Variants in NWD2 observed in about 807,000 individuals in gnomAD.
The protein encoded by NWD2 is NACHT and WD repeat domain containing 2, also known as NACHT and WD repeat domain-containing protein 2.
Under a neutral mutation model 132.7 loss-of-function variants are expected in NWD2, and 37 were observed. The observed-to-expected ratio is 0.28, with a 90% confidence interval of 0.21 to 0.37. NWD2 has a LOEUF of 0.37. NWD2 is among the 10% of genes least tolerant of loss of function. The pLI is 1.00. For missense variants in NWD2, 1,592 were observed against 2,122.4 expected (o/e 0.75, Z 4.91); for synonymous variants, 705 against 803.0 (o/e 0.88, Z 2.06).
chr4:37,358,244 CT>C, intron 3 of NWD2, among the ~76,000 whole-genome samples: 1 of 152,130 alleles, frequency 6.6e-6, no homozygotes, highest in Admixed American at 6.6e-5. Flanking sequence ...AGTGATTTGA[CT>C]TGTATTTTAA....
chr4:37,352,867 T>A (rs548055974), intron 2 of NWD2, among the ~76,000 whole-genome samples: 1 of 152,320 alleles, frequency 6.6e-6, no homozygotes, highest in African/African-American at 2.4e-5. Context: ...AAGGTTAATA[T>A]TGTTATGTGT....
intron 3 of NWD2, among the ~76,000 whole-genome samples, chr4:37,370,339 A>T (rs1003901711): frequency 6.6e-6 from 1 of 152,218 alleles, no homozygotes; most frequent in Non-Finnish European, 1.5e-5. Context: ...TATAGTTAAG[A>T]TTAATATTTC....
chr4:37,420,673 ACT>A (rs957662555), intron 3 of NWD2, among the ~76,000 whole-genome samples: 2 of 151,978 alleles, frequency 1.3e-5, no homozygotes, highest in African/African-American at 4.8e-5. Flanking sequence ...ATAGAATTAG[ACT>A]CTGTCTCAAA....
At chr4:37,400,683 T>C (rs796730498) in intron 3 of NWD2, among the ~76,000 whole-genome samples, 3 of 152,374 alleles carry the variant, frequency 2.0e-5, no homozygotes, top group African/African-American at 7.2e-5. Flanking sequence ...TGACCATTAA[T>C]GCATTACAAA....
Position 37,447,111 on chromosome 4 carries a change from C to T in NWD2, c.5123C>T (p.Ser1708Phe). ...GACAGCCCCATCACAGTTAGTGACTCTACTGAGTCCAATGAAGCAACACCC... is the reference window on the plus strand; with the variant it reads ...GACAGCCCCATCACAGTTAGTGACTTTACTGAGTCCAATGAAGCAACACCC... ...ARDSPITVSD[S>F]TESNEATPSK... is the part of the protein sequence containing the mutation. Residue 1708 changes from serine to phenylalanine, a missense_variant, in exon 7 of 7, where the codon TCT (serine) becomes TTT (phenylalanine). Ser to Phe is a radical substitution (Grantham distance 155, BLOSUM62 -2). This residue lies in a region of NWD2 where 257 missense variants were observed against 335.0 expected (regional missense o/e 0.77). Transcript: ENST00000309447. 1.3e-6 allele frequency: 2 copies of T among 1,551,538 alleles called. No individual in the cohort carries two copies. The highest frequency in any genetic ancestry group is 1.7e-6 in the Non-Finnish European group (2 of 1,146,978).
intron 3 of NWD2, among the ~76,000 whole-genome samples, chr4:37,416,642 T>C (rs1371545551): frequency 1.3e-5 from 2 of 152,226 alleles, no homozygotes; most frequent in Admixed American, 1.3e-4. Flanking sequence ...ATGAAAAAGA[T>C]ACTTGCACAC....
At chr4:37,273,913 T>A (rs1384578756) in intron 1 of NWD2, among the ~76,000 whole-genome samples, 2 of 152,092 alleles carry the variant, frequency 1.3e-5, no homozygotes, top group Non-Finnish European at 2.9e-5. Context: ...CCAGAATCTC[T>A]GGGACACATT....
intron 3 of NWD2, among the ~76,000 whole-genome samples, chr4:37,400,188 A>C (rs761169709): frequency 2.6e-5 from 4 of 152,192 alleles, no homozygotes; most frequent in African/African-American, 4.8e-5. Context: ...TAATATTCCT[A>C]GTATTAGTCT....
At chr4:37,385,193 G>A (rs1034966062) in intron 3 of NWD2, among the ~76,000 whole-genome samples, 3 of 152,110 alleles carry the variant, frequency 2.0e-5, no homozygotes, top group African/African-American at 7.2e-5. Context: ...TGCAGGAAAA[G>A]CCTCTCTACT....
chr4:37,436,023 C>A (rs1222862173), intron 5 of NWD2, among the ~76,000 whole-genome samples: 5 of 152,116 alleles, frequency 3.3e-5, no homozygotes, highest in Admixed American at 6.5e-5. Flanking sequence ...TTTCACACTT[C>A]TAGTTTCACC....
chr4:37,412,647 G>A lies in NWD2; in HGVS notation c.358-17925G>A, dbSNP rs1721184301. Among the ~76,000 whole-genome samples, 3 of 102,104 alleles carry A rather than the reference G, an allele frequency of 2.9e-5. No homozygotes were observed. The South Asian group carries it at 9.6e-4, about 33-fold the overall frequency. 67.0% of individuals were successfully genotyped at this position (102,104 alleles called of 152,430 possible). A position where few individuals can be genotyped will look rare whatever the true frequency, so the allele number is the denominator to read the frequency against. ...AAAAAACTACTTTAAACTTCATGTG[G>A]AAACAAAAATAGCCCAAATAGCAAC... On this transcript the variant is annotated intron_variant, in intron 3 of 6. Transcript: ENST00000309447.
At chr4:37,413,511 A>G (rs1374874422) in intron 3 of NWD2, among the ~76,000 whole-genome samples, 1 of 152,220 alleles carries the variant, frequency 6.6e-6, no homozygotes, top group Non-Finnish European at 1.5e-5. Context: ...GAATGCTTTT[A>G]CACTATTGGT....
chr4:37,396,165 T>C (rs1386948674), intron 3 of NWD2, among the ~76,000 whole-genome samples: 3 of 152,194 alleles, frequency 2.0e-5, no homozygotes, highest in African/African-American at 7.2e-5. Flanking sequence ...GGGAGCTCTT[T>C]CATGGAGCTC....
At chr4:37,407,494 A>C (rs1721068280) in intron 3 of NWD2, among the ~76,000 whole-genome samples, 1 of 152,184 alleles carries the variant, frequency 6.6e-6, no homozygotes, top group Admixed American at 6.5e-5. Context: ...CCACTGATCC[A>C]GGGGCCACAC....
At chr4:37,346,568 T>C (rs1011426324) in intron 2 of NWD2, among the ~76,000 whole-genome samples, 1 of 152,194 alleles carries the variant, frequency 6.6e-6, no homozygotes, top group East Asian at 1.9e-4. Flanking sequence ...AGGGGATTTA[T>C]AGTGATTGGA....
Position 37,442,674 on chromosome 4 carries a change from A to C in NWD2, c.1297-611A>C, listed in dbSNP as rs1319157432. Among the ~76,000 whole-genome samples, 19 of 152,214 alleles carry C rather than the reference A, an allele frequency of 1.2e-4. 1 individual carries two copies. The highest frequency in any genetic ancestry group is 2.9e-5 in the Non-Finnish European group (2 of 68,046). On this transcript the variant is annotated intron_variant, in intron 6 of 6. Coordinates refer to ENST00000309447, the MANE Select transcript of NWD2 (RefSeq NM_001144990.2). ...ATTCTGTGGATTTTATAACAGATAAATAATAATCAAAATTATGACCCTATA... is the reference window on the plus strand; with the variant it reads ...ATTCTGTGGATTTTATAACAGATAACTAATAATCAAAATTATGACCCTATA...
intron 1 of NWD2, among the ~76,000 whole-genome samples, chr4:37,278,072 T>C (rs1312030378): frequency 6.6e-6 from 1 of 151,994 alleles, no homozygotes; most frequent in Non-Finnish European, 1.5e-5. Context: ...AGAGGTCATA[T>C]TCAACCACCT....
At chr4:37,389,221 G>C (rs370892756) in intron 3 of NWD2, among the ~76,000 whole-genome samples, 1 of 152,088 alleles carries the variant, frequency 6.6e-6, no homozygotes, top group East Asian at 1.9e-4. Flanking sequence ...GGGGCCTCTC[G>C]TCAGAGCCCC....
intron 3 of NWD2, among the ~76,000 whole-genome samples, chr4:37,410,089 C>T (rs1016545745): frequency 6.6e-6 from 1 of 152,202 alleles, no homozygotes; most frequent in African/African-American, 2.4e-5. Context: ...TGTGAAGAAA[C>T]TGCATCAACT....
Sources: allele counts gnomAD v4.1 joint callset (sites outside exome capture counted in the v4.1 genomes callset), GRCh38; gene constraint gnomAD v4.1.1; regional missense constraint gnomAD v4.1.1; transcripts MANE v1.5; gene names NCBI Gene and HGNC (gene_info 2026-07-23, HGNC 2026-07-21).